The following ERICH6B variants were observed in gnomAD, a reference collection of about 807,000 sequenced individuals.
ERICH6B encodes the protein glutamate rich 6B.
A neutral mutation model predicts 80.0 loss-of-function variants in ERICH6B; 69 were observed. The ratio of observed to expected loss-of-function variants is 0.86; its 90% CI spans 0.71 to 1.05. ERICH6B has a LOEUF of 1.05. Ranked by LOEUF, ERICH6B falls within the 50% of genes least tolerant of loss-of-function variation. ERICH6B has a pLI of 0.00. For synonymous variants in ERICH6B, 283 were observed against 291.9 expected (o/e 0.97, Z 0.31); for missense variants, 754 against 796.1 (o/e 0.95, Z 0.64).
rs1189472954 is a variant in ERICH6B at position 45,561,494 on chromosome 13, A to C, written c.1282T>G (p.Phe428Val). Residue 428 changes from phenylalanine to valine, a missense_variant, in exon 11 of 15, where the codon TTT becomes GTT. Coordinates refer to ENST00000298738, the MANE Select transcript of ERICH6B (RefSeq NM_182542.3). ...GGTGTTGGTTTGCTCATTAAATGAAATGTGAAACTGGTCATCTCTGTTAAC... is the reference window on the plus strand; with the variant it reads ...GGTGTTGGTTTGCTCATTAAATGAACTGTGAAACTGGTCATCTCTGTTAAC... ...QKLTEMTSFT[F>V]HLMSKPTPEK... is the part of the protein sequence containing the mutation. 1.9e-6 allele frequency: 3 copies of C among 1,551,736 alleles called. No individual in the cohort carries two copies. The highest frequency in any genetic ancestry group is 2.6e-6 in the Non-Finnish European group (3 of 1,147,020).
chr13:45,611,264 G>A (rs145711852), intron 1 of ERICH6B, among the ~76,000 whole-genome samples: 4 of 152,334 alleles, frequency 2.6e-5, no homozygotes, highest in Non-Finnish European at 5.9e-5. Flanking sequence ...AGAGTGCACA[G>A]TAAAGCGGCA....
At chr13:45,610,414 A>G (rs1301360749) in intron 1 of ERICH6B, among the ~76,000 whole-genome samples, 6 of 152,058 alleles carry the variant, frequency 3.9e-5, no homozygotes, top group African/African-American at 1.4e-4. Flanking sequence ...AAAATCCCTA[A>G]CTTCCAAATG....
At chr13:45,549,677 G>C (rs1874132455) in intron 13 of ERICH6B, among the ~76,000 whole-genome samples, 1 of 152,216 alleles carries the variant, frequency 6.6e-6, no homozygotes, top group South Asian at 2.1e-4. Context: ...AGCCTTGACG[G>C]CTATTTCACA....
chr13:45,607,420 A>T (rs1949874459), intron 2 of ERICH6B, 144 bp downstream of exon 2: 1 of 152,232 alleles, frequency 6.6e-6, no homozygotes, highest in African/African-American at 2.4e-5. Flanking sequence ...AATCCACTTC[A>T]TGGAGGTCTA....
At chr13:45,614,698 C>G (rs1228147911) in intron 1 of ERICH6B, among the ~76,000 whole-genome samples, 2 of 152,248 alleles carry the variant, frequency 1.3e-5, no homozygotes, top group Non-Finnish European at 2.9e-5. Context: ...AGCCTCATTT[C>G]TGTAAAGGAC....
chr13:45,592,851 G>A (rs1876211536), intron 3 of ERICH6B, among the ~76,000 whole-genome samples: 1 of 152,302 alleles, frequency 6.6e-6, no homozygotes, highest in South Asian at 2.1e-4. Flanking sequence ...GTGTGGTACA[G>A]GGGAGTTTCA....
rs778635020 is a variant in ERICH6B, at chr13:45,596,881, C to A, written c.125G>T (p.Ser42Ile). 71 of 1,551,732 alleles carry A rather than the reference C, an allele frequency of 4.6e-5. No individual in the cohort carries two copies. Among genetic ancestry groups the A allele is most frequent in the Non-Finnish European group, 4.3e-5 (49 of 1,147,038 alleles). The change falls in exon 3 of 15, where the codon AGT becomes ATT. Residue 42 changes from serine (S) to isoleucine (I), a missense_variant. Transcript: ENST00000298738. The stretch of plus-strand genomic sequence containing the variant: ...AGAAAATGGAGATTCATCCTGTAGA[C>A]TTTCCTCATCTAGTTCTACTTCAGT... ...EDTEVELDEE[S>I]LQDESPFSPE...
At chr13:45,549,288 A>C (rs80303332) in intron 13 of ERICH6B, among the ~76,000 whole-genome samples, 14,644 of 152,058 alleles carry the variant, frequency 0.096, 891 homozygotes, top group African/African-American at 0.16. Context: ...GTCACAAAAA[A>C]AAAAAAAAGT....
Position 45,607,617 on chromosome 13 carries a change from T to C in ERICH6B, c.-110-2A>G, listed in dbSNP as rs1358226119. ...CAAGAGAGTTTTCAACAATAACAGC[T>C]GAAGGAAAAATGTTTTCTGGTTAGT... is the stretch of plus-strand genomic sequence containing the variant. On this transcript the variant is annotated splice_acceptor_variant, in intron 1 of 14. Coordinates refer to ENST00000298738, the MANE Select transcript of ERICH6B (RefSeq NM_182542.3). LOFTEE classifies it low-confidence loss of function (5UTR_SPLICE). 1 of 152,364 alleles carries C rather than the reference T, an allele frequency of 6.6e-6. No homozygotes were observed. The highest frequency in any genetic ancestry group is 2.4e-5 in the African/African-American group (1 of 41,432). The allele number at this position is 152,364 out of a possible 1,614,324, so 9.4% of individuals were successfully genotyped here.
At chr13:45,606,365 C>T (rs1460229342) in intron 2 of ERICH6B, among the ~76,000 whole-genome samples, 3 of 150,974 alleles carry the variant, frequency 2.0e-5, no homozygotes, top group Non-Finnish European at 4.4e-5. Flanking sequence ...GTGAAAAATA[C>T]CTTTCTACCC....
At chr13:45,585,863 T>A (rs112381298) in intron 5 of ERICH6B, among the ~76,000 whole-genome samples, 322 of 152,344 alleles carry the variant, frequency 2.1e-3, no homozygotes, top group African/African-American at 7.5e-3. Context: ...GAAACAATGA[T>A]TTCAATGGGG....
chr13:45,588,916 C>T (rs916070733), intron 4 of ERICH6B, among the ~76,000 whole-genome samples: 3 of 152,064 alleles, frequency 2.0e-5, no homozygotes, highest in Non-Finnish European at 4.4e-5. Flanking sequence ...CCACTCGAGG[C>T]CTGCTTCTGT....
At position 45,587,520 on chromosome 13, in the gene ERICH6B, C is replaced by A. The variant is rs146654744; in HGVS notation, c.687-288G>T. 3.2e-3 allele frequency among the ~76,000 whole-genome samples: 482 copies of A among 152,298 alleles called. 2 individuals carry two copies. The highest frequency in any genetic ancestry group is 5.5e-3 in the Non-Finnish European group (374 of 68,032). On this transcript the variant is annotated intron_variant, in intron 4 of 14. Coordinates refer to ENST00000298738, the MANE Select transcript of ERICH6B (RefSeq NM_182542.3). ...GTCATAACTGACAGACGTTCCAGAACATTCTCCTTCCTCCCTGGCTCAAAA... is the reference window on the plus strand; with the variant it reads ...GTCATAACTGACAGACGTTCCAGAAAATTCTCCTTCCTCCCTGGCTCAAAA...
rs1874074690 is a variant in ERICH6B, at chr13:45,548,462, T to C, written c.1646+1431A>G. Reference sequence around the variant, plus strand: ...AAGCCCTTCCTCTGTGGGTAACATTTTTCCTCTGGAGCAGCTGCCCCTGGG... The same window carrying C: ...AAGCCCTTCCTCTGTGGGTAACATTCTTCCTCTGGAGCAGCTGCCCCTGGG... On this transcript the variant is annotated intron_variant, in intron 13 of 14. Coordinates refer to ENST00000298738, the MANE Select transcript of ERICH6B (RefSeq NM_182542.3). 2.0e-5 allele frequency among the ~76,000 whole-genome samples: 3 copies of C among 152,312 alleles called. No homozygotes were observed. The South Asian group carries it at 6.2e-4, about 32-fold the overall frequency.
intron 8 of ERICH6B, among the ~76,000 whole-genome samples, chr13:45,570,635 G>T (rs1199963120): frequency 6.6e-6 from 1 of 152,210 alleles, no homozygotes; most frequent in Admixed American, 6.5e-5. Context: ...GCAGCCGCAG[G>T]TTCTGTGTGG....
chr13:45,577,276 C>CTTTTTTTTTTTTTTTTTTTTTTTTGT (rs1875448081), intron 7 of ERICH6B, among the ~76,000 whole-genome samples: 1 of 86,060 alleles, frequency 1.2e-5, no homozygotes, highest in Non-Finnish European at 2.5e-5. Flanking sequence ...AAAAACAAAT[C>CTTTTTTTTTTTTTTTTTTTTTTTTGT]TTTTTTTTTT....
rs144276022 is a variant in ERICH6B, at chr13:45,585,879, C to T, written c.856+1184G>A. ...AAACAATGATTTCAATGGGGCCCCT[C>T]TCGGGGCTGGGTCCACAGTGGTGTG... On this transcript the variant is annotated intron_variant, in intron 5 of 14. Coordinates refer to ENST00000298738, the MANE Select transcript of ERICH6B (RefSeq NM_182542.3). Among the ~76,000 whole-genome samples the T allele has an allele frequency of 8.4e-3, 1,283 of 152,310 alleles. 15 individuals are homozygous for T. The highest frequency in any genetic ancestry group is 0.029 in the African/African-American group (1,194 of 41,562).
intron 3 of ERICH6B, among the ~76,000 whole-genome samples, chr13:45,592,313 C>T (rs559562013): frequency 4.1e-4 from 63 of 152,336 alleles, no homozygotes; most frequent in East Asian, 1.9e-3. Context: ...TGGGGCTCAG[C>T]GTTCCCCCAC....
At chr13:45,547,437 A>G (rs897374555) in intron 13 of ERICH6B, among the ~76,000 whole-genome samples, 13 of 152,202 alleles carry the variant, frequency 8.5e-5, no homozygotes, top group Non-Finnish European at 1.5e-4. Flanking sequence ...TGGCTTAGCT[A>G]GCTCTTAACC....
Sources: allele counts gnomAD v4.1 joint callset (sites outside exome capture counted in the v4.1 genomes callset), GRCh38; gene constraint gnomAD v4.1.1; transcripts MANE v1.5; gene names NCBI Gene and HGNC (gene_info 2026-07-23, HGNC 2026-07-21).